Variants in ZNF780A observed in about 807,000 individuals in gnomAD.
ZNF780A encodes the protein zinc finger protein 780A.
In ZNF780A, 40 loss-of-function variants were observed where a neutral mutation model predicts 56.7. The ratio of observed to expected loss-of-function variants is 0.71; its 90% CI spans 0.55 to 0.92. The LOEUF is 0.92. ZNF780A is among the 40% of genes least tolerant of loss of function. ZNF780A has a pLI of 0.00. For synonymous variants in ZNF780A, 231 were observed against 248.3 expected (o/e 0.93, Z 0.66); for missense variants, 672 against 783.3 (o/e 0.86, Z 1.70).
Position 40,073,952 on chromosome 19 carries a change from A to C in ZNF780A, c.*564T>G. On this transcript the variant is annotated 3_prime_UTR_variant, in exon 6 of 6. Transcript: ENST00000683561. ...CATTATAGCGTTTCTCACCAGTATG[A>C]ATTTTAACATGTTGAACAATGTTTG... 1 of 1,040,044 alleles carries C rather than the reference A, an allele frequency of 9.6e-7. No individual in the cohort carries two copies. Among genetic ancestry groups the C allele is most frequent in the East Asian group, 8.7e-5 (1 of 11,464 alleles). 64.4% of individuals were successfully genotyped at this position (1,040,044 alleles called of 1,614,324 possible). A position where few individuals can be genotyped will look rare whatever the true frequency, so the allele number is the denominator to read the frequency against.
At position 40,074,072 on chromosome 19, in the gene ZNF780A, G is replaced by A. The variant is rs1000973881; in HGVS notation, c.*444C>T. 4.0e-6 allele frequency: 5 copies of A among 1,256,234 alleles called. No homozygotes were observed. Among genetic ancestry groups the A allele is most frequent in the South Asian group, 1.9e-5 (1 of 54,014 alleles). The allele number at this position is 1,256,234 out of a possible 1,614,324, so 77.8% of individuals were successfully genotyped here. ...GTGCAGTCAGGACCAAACTAAATCTGAAAGTTTTCCCACACTCCTTACATT... is the reference window on the plus strand; with the variant it reads ...GTGCAGTCAGGACCAAACTAAATCTAAAAGTTTTCCCACACTCCTTACATT... On this transcript the variant is annotated 3_prime_UTR_variant, in exon 6 of 6. Coordinates refer to ENST00000683561, the MANE Select transcript of ZNF780A (RefSeq NM_001142578.2).
intron 2 of ZNF780A, among the ~76,000 whole-genome samples, chr19:40,085,790 G>C (rs916345251): frequency 1.3e-5 from 2 of 152,126 alleles, no homozygotes; most frequent in Admixed American, 1.3e-4. Context: ...TGAGGCATGA[G>C]AATCGCTTGA....
Position 40,074,641 on chromosome 19 carries a change from T to A in ZNF780A, c.1801A>T (p.Ile601Phe). Residue 601 changes from isoleucine (I) to phenylalanine (F), a missense_variant, in exon 6 of 6, where the codon ATT (isoleucine) becomes TTT (phenylalanine). Coordinates refer to ENST00000683561, the MANE Select transcript of ZNF780A (RefSeq NM_001142578.2). ...GKAFRLHMQL[I>F]RHQKLHTGEK... ...CCAGTATGCAATTTCTGATGTCGAA[T>A]AAGTTGCATATGAAGTCGAAAGGCT... The A allele has an allele frequency of 6.2e-7, 1 of 1,613,692 alleles. No individual in the cohort carries two copies. Among genetic ancestry groups the A allele is most frequent in the Non-Finnish European group, 8.5e-7 (1 of 1,179,758 alleles).
chr19:40,074,411 C>A lies in ZNF780A; in HGVS notation c.*105G>T. 6.4e-7 allele frequency: 1 copy of A among 1,553,486 alleles called. No homozygotes were observed. The highest frequency in any genetic ancestry group is 8.7e-7 in the Non-Finnish European group (1 of 1,153,942). ...AATAACGTTTGAACCACAAATGAAGCCTTTCCCACACCCCTTACATTCACA... is the reference window on the plus strand; with the variant it reads ...AATAACGTTTGAACCACAAATGAAGACTTTCCCACACCCCTTACATTCACA... On this transcript the variant is annotated 3_prime_UTR_variant, in exon 6 of 6. Coordinates refer to ENST00000683561, the MANE Select transcript of ZNF780A (RefSeq NM_001142578.2).
rs774536018 is a variant in ZNF780A at position 40,074,828 on chromosome 19, A to G, written c.1614T>C (p.Phe538=). The change falls in exon 6 of 6, where the codon TTT becomes TTC. Residue 538 remains phenylalanine, a synonymous_variant. Coordinates refer to ENST00000683561, the MANE Select transcript of ZNF780A (RefSeq NM_001142578.2). The part of the protein sequence containing the change: ...PFECKECGKF[F]RRGSNLNQHR... ...GTTGATTAAGATTTGAACCACGACG[A>G]AAGAATTTCCCACATTCCTTACATT... The G allele has an allele frequency of 3.1e-6, 5 of 1,614,164 alleles. No homozygotes were observed. Among genetic ancestry groups the G allele is most frequent in the Admixed American group, 1.7e-5 (1 of 60,034 alleles).
At position 40,077,009 on chromosome 19, in the gene ZNF780A, C is replaced by G. The variant is rs337797; in HGVS notation, c.233-800G>C. On this transcript the variant is annotated intron_variant, in intron 5 of 5. Transcript: ENST00000683561. ...CATCACCCATGCCACACTTGCTGCC[C>G]AAGAATCCAAGAACCCATCCACCTA... Among the ~76,000 whole-genome samples, 1,100 of 152,174 alleles carry G rather than the reference C, an allele frequency of 7.2e-3. 16 individuals carry two copies. Among genetic ancestry groups the G allele is most frequent in the African/African-American group, 0.026 (1,063 of 41,530 alleles).
chr19:40,073,731 T>C lies in ZNF780A; in HGVS notation c.*785A>G. On this transcript the variant is annotated 3_prime_UTR_variant, in exon 6 of 6. Coordinates refer to ENST00000683561, the MANE Select transcript of ZNF780A (RefSeq NM_001142578.2). ...CAGAAGTTGAGCAAATCCCAGGCCA[T>C]GATGAAAGTTCTTCACACATTCTTT... 8 of 985,914 alleles carry C rather than the reference T, an allele frequency of 8.1e-6. No individual in the cohort carries two copies. Among genetic ancestry groups the C allele is most frequent in the Non-Finnish European group, 9.6e-6 (8 of 830,324 alleles). 61.1% of individuals were successfully genotyped at this position (985,914 alleles called of 1,614,324 possible).
intron 3 of ZNF780A, among the ~76,000 whole-genome samples, chr19:40,083,872 A>G (rs542791704): frequency 6.6e-6 from 1 of 151,802 alleles, no homozygotes; most frequent in Non-Finnish European, 1.5e-5. Flanking sequence ...AGGGCCTCTA[A>G]GGATTTCCCC....
At chr19:40,088,173 T>G (rs1974924204) in intron 2 of ZNF780A, among the ~76,000 whole-genome samples, 2 of 152,132 alleles carry the variant, frequency 1.3e-5, no homozygotes, top group Non-Finnish European at 2.9e-5. Flanking sequence ...TGAAATTATG[T>G]CAAGCTAAAA....
At chr19:40,087,717 A>T (rs1974892014) in intron 2 of ZNF780A, among the ~76,000 whole-genome samples, 1 of 152,210 alleles carries the variant, frequency 6.6e-6, no homozygotes, top group Non-Finnish European at 1.5e-5. Context: ...CTTGAGCAAA[A>T]GGAACAAAGT....
Position 40,073,561 on chromosome 19 carries a change from C to T in ZNF780A, c.*955G>A, listed in dbSNP as rs421533. On this transcript the variant is annotated 3_prime_UTR_variant, in exon 6 of 6. Coordinates refer to ENST00000683561, the MANE Select transcript of ZNF780A (RefSeq NM_001142578.2). ...CTGGTAAATTATTTCATAGGGAGTA[C>T]ATTGTGAACATGACAACTACCCTAT... 0.083 allele frequency: 82,241 copies of T among 985,336 alleles called. 9,766 individuals are homozygous for T. Among genetic ancestry groups the T allele is most frequent in the African/African-American group, 0.52 (29,851 of 57,156 alleles). The allele number at this position is 985,336 out of a possible 1,614,324, so 61.0% of individuals were successfully genotyped here. A position where few individuals can be genotyped will look rare whatever the true frequency, so the allele number is the denominator to read the frequency against.
rs556294095 is a variant in ZNF780A at position 40,088,530 on chromosome 19, C to T, written c.-46+1636G>A. Among the ~76,000 whole-genome samples the T allele has an allele frequency of 1.5e-3, 223 of 152,212 alleles. 2 individuals are homozygous for T. The South Asian group carries it at 0.017, about 11-fold the overall frequency. On this transcript the variant is annotated intron_variant, in intron 2 of 5. Transcript: ENST00000683561. Reference sequence around the variant, plus strand: ...ACAAGTATTGGCAAGAAAAGGGGAACGCTTACACACTGTGGGTGAGAATGT... The same window carrying T: ...ACAAGTATTGGCAAGAAAAGGGGAATGCTTACACACTGTGGGTGAGAATGT...
intron 5 of ZNF780A, among the ~76,000 whole-genome samples, 177 bp from the exon 6 acceptor site, chr19:40,076,386 G>A (rs1568448211): frequency 6.6e-6 from 1 of 152,122 alleles, no homozygotes; most frequent in Admixed American, 6.5e-5. Context: ...GTTTCCAGTG[G>A]AAGCAAATGC....
chr19:40,077,078 G>A (rs952534665), intron 5 of ZNF780A, among the ~76,000 whole-genome samples: 4 of 151,968 alleles, frequency 2.6e-5, no homozygotes, highest in Non-Finnish European at 4.4e-5. Context: ...AAACTACGAG[G>A]AGGCCAAAGA....
chr19:40,072,415 G>A (rs747949336), downstream of ZNF780A: 36 of 153,642 alleles, frequency 2.3e-4, 1 homozygote, highest in Middle Eastern at 3.4e-3. Flanking sequence ...CTTTAAACAC[G>A]GGGCTTGCAA....
intron 5 of ZNF780A, among the ~76,000 whole-genome samples, chr19:40,079,534 A>G (rs1489797363): frequency 6.6e-6 from 1 of 152,190 alleles, no homozygotes; most frequent in Non-Finnish European, 1.5e-5. Flanking sequence ...TAGCTACAAA[A>G]TACACATTTT....
chr19:40,080,042 T>A (rs1974384263), intron 5 of ZNF780A, among the ~76,000 whole-genome samples: 1 of 145,626 alleles, frequency 6.9e-6, no homozygotes, highest in Non-Finnish European at 1.5e-5. Context: ...AGAGAAGAAA[T>A]AAGCAAAATC....
At position 40,084,681 on chromosome 19, in the gene ZNF780A, TA is replaced by T. The variant is rs930590836; in HGVS notation, c.9+63del. 2.0e-6 allele frequency: 3 copies of T among 1,501,540 alleles called. No homozygotes were observed. The African/African-American group carries it at 4.2e-5, about 21-fold the overall frequency. 93.0% of individuals were successfully genotyped at this position (1,501,540 alleles called of 1,614,324 possible). The stretch of plus-strand genomic sequence containing the variant: ...TCTAGGTACGAAGCTTCAGGTTAAA[TA>T]ATAACAGTCACCTAACCTGAAAGTC... On this transcript the variant is annotated intron_variant, in intron 3 of 5. Coordinates refer to ENST00000683561, the MANE Select transcript of ZNF780A (RefSeq NM_001142578.2).
At position 40,076,324 on chromosome 19, in the gene ZNF780A, A is replaced by G. The variant is rs899458988; in HGVS notation, c.233-115T>C. On this transcript the variant is annotated intron_variant, in intron 5 of 5. Coordinates refer to ENST00000683561, the MANE Select transcript of ZNF780A (RefSeq NM_001142578.2). ...AACCAATAAAACCTTTATTGATTTT[A>G]TTAGCCAAAACCAACAAAGTTGGTA... The G allele has an allele frequency of 7.1e-6, 8 of 1,132,170 alleles. No homozygotes were observed. In the Admixed American group the frequency reaches 1.4e-4, roughly 19 times the overall value. 70.1% of individuals were successfully genotyped at this position (1,132,170 alleles called of 1,614,324 possible). A position where few individuals can be genotyped will look rare whatever the true frequency, so the allele number is the denominator to read the frequency against.
Sources: allele counts gnomAD v4.1 joint callset (sites outside exome capture counted in the v4.1 genomes callset), GRCh38; gene constraint gnomAD v4.1.1; transcripts MANE v1.5; gene names NCBI Gene and HGNC (gene_info 2026-07-23, HGNC 2026-07-21).